Variants in WDR89 observed in about 807,000 individuals in gnomAD.
The protein encoded by WDR89 is WD repeat-containing protein 89.
WDR89 carries 17 observed loss-of-function variants against 29.1 expected under a neutral mutation model. The ratio of observed to expected loss-of-function variants is 0.58; its 90% CI spans 0.40 to 0.88. The LOEUF is 0.88. Ranked by LOEUF, WDR89 falls within the 40% of genes least tolerant of loss-of-function variation. The probability of loss-of-function intolerance (pLI) is 0.00; values close to 1 mark genes in which losing one functional copy is unlikely to be tolerated. For synonymous variants in WDR89, 138 were observed against 157.8 expected, an observed-to-expected ratio of 0.87 and a Z score of 0.94; for missense variants, 396 against 456.3, an observed-to-expected ratio of 0.87 and a Z score of 1.20.
At chr14:63,601,632 C>T in intron 2 of WDR89, 1 of 1,613,244 alleles carries the variant, frequency 6.2e-7, no homozygotes, top group South Asian at 1.1e-5. Flanking sequence ...AAAAGTATTG[C>T]AAGCAACAGT....
intron 1 of WDR89, among the ~76,000 whole-genome samples, chr14:63,633,461 A>C (rs971237682): frequency 2.6e-5 from 4 of 152,176 alleles, no homozygotes; most frequent in Non-Finnish European, 5.9e-5. Flanking sequence ...ATGTAAACAT[A>C]TCTCTCAGAC....
intron 2 of WDR89, among the ~76,000 whole-genome samples, chr14:63,609,089 C>A (rs1465220049): frequency 6.7e-6 from 1 of 149,148 alleles, no homozygotes; most frequent in Non-Finnish European, 1.5e-5. Context: ...TCCAGCCTGG[C>A]AACAGAGCAA....
chr14:63,633,879 C>A (rs960263841), intron 1 of WDR89, among the ~76,000 whole-genome samples: 5 of 152,286 alleles, frequency 3.3e-5, no homozygotes, highest in East Asian at 1.9e-4. Flanking sequence ...ATAAAAAGAA[C>A]TGAAAATCAT....
chr14:63,641,661 C>G (rs1234498892), intron 1 of WDR89, 143 bp downstream of exon 1: 1 of 152,420 alleles, frequency 6.6e-6, no homozygotes, highest in Non-Finnish European at 1.5e-5. Flanking sequence ...CGTGCACACT[C>G]CGTCCAGACC....
intron 2 of WDR89, among the ~76,000 whole-genome samples, chr14:63,622,913 A>G (rs1309416275): frequency 6.6e-6 from 1 of 152,176 alleles, no homozygotes; most frequent in African/African-American, 2.4e-5. Flanking sequence ...CAAAAAGGAT[A>G]TAATGGGCCA....
intron 1 of WDR89, among the ~76,000 whole-genome samples, chr14:63,631,600 C>T (rs529911153): frequency 1.3e-5 from 2 of 151,986 alleles, no homozygotes; most frequent in East Asian, 1.9e-4. Context: ...CAGGCTGTTC[C>T]TGAACTCCTG....
rs1894986759 is a variant in WDR89 at position 63,599,992 on chromosome 14, A to ATAC, written c.-31-20_-31-19insGTA. 7.8e-7 allele frequency: 1 copy of ATAC among 1,289,194 alleles called. No homozygotes were observed. Among genetic ancestry groups the ATAC allele is most frequent in the Admixed American group, 3.1e-5 (1 of 32,114 alleles). 79.9% of individuals were successfully genotyped at this position (1,289,194 alleles called of 1,614,324 possible). On this transcript the variant is annotated intron_variant, in intron 2 of 2. Coordinates refer to ENST00000620954, the MANE Select transcript of WDR89 (RefSeq NM_080666.4). The stretch of plus-strand genomic sequence containing the variant: ...TAAAACTCTGTAAAAAATAATAATA[A>ATAC]TAAAAATAAAAATTAATGCTTAACA...
chr14:63,634,415 T>G (rs10149828), intron 1 of WDR89, among the ~76,000 whole-genome samples: 11,669 of 150,754 alleles, frequency 0.077, 817 homozygotes, highest in African/African-American at 0.19. Context: ...CCAGCTACTC[T>G]GAGGGATGAG....
chr14:63,630,228 G>A (rs977204816), intron 1 of WDR89, among the ~76,000 whole-genome samples: 4 of 151,498 alleles, frequency 2.6e-5, no homozygotes, highest in Non-Finnish European at 4.4e-5. Flanking sequence ...GATTACAGGC[G>A]TGAGCCACTG....
intron 2 of WDR89, among the ~76,000 whole-genome samples, chr14:63,611,856 A>G (rs561252090): frequency 6.6e-6 from 1 of 151,716 alleles, no homozygotes; most frequent in Admixed American, 6.6e-5. Context: ...CCTCCCGAGT[A>G]GCTGGGATTA....
chr14:63,626,508 C>T (rs1177406629), intron 1 of WDR89, among the ~76,000 whole-genome samples: 1 of 150,880 alleles, frequency 6.6e-6, no homozygotes, highest in African/African-American at 2.4e-5. Context: ...AAAATCCCAT[C>T]TCTACTAAAA....
At chr14:63,618,704 CA>C (rs113259979) in intron 2 of WDR89, among the ~76,000 whole-genome samples, 3 of 151,456 alleles carry the variant, frequency 2.0e-5, no homozygotes, top group Admixed American at 6.6e-5. Context: ...AACAAACAAA[CA>C]AAAAAAACCT....
In WDR89 at chr14:63,597,894, C is replaced by T. The variant is rs1171772202; in HGVS notation, c.*885G>A. 1 of 152,108 alleles carries T rather than the reference C, an allele frequency of 6.6e-6. No individual in the cohort carries two copies. Among genetic ancestry groups the T allele is most frequent in the Non-Finnish European group, 1.5e-5 (1 of 68,040 alleles). 9.4% of individuals were successfully genotyped at this position (152,108 alleles called of 1,614,324 possible). On this transcript the variant is annotated 3_prime_UTR_variant, in exon 3 of 3. Transcript: ENST00000620954. ...GAACTGAAGCAGATTAGAGATCGAG[C>T]TGGTAATCCAGATGAGAAATAATGA... is the stretch of plus-strand genomic sequence containing the variant.
intron 2 of WDR89, among the ~76,000 whole-genome samples, chr14:63,607,693 C>T (rs1881662489): frequency 6.6e-6 from 1 of 151,044 alleles, no homozygotes; most frequent in Non-Finnish European, 1.5e-5. Context: ...ACCAGCCTGA[C>T]CAACATGGAG....
intron 1 of WDR89, among the ~76,000 whole-genome samples, chr14:63,632,513 G>C (rs757204942): frequency 1.3e-5 from 2 of 151,898 alleles, no homozygotes; most frequent in Non-Finnish European, 2.9e-5. Context: ...CAAACCTGTA[G>C]TCTCAGCTAC....
intron 2 of WDR89, among the ~76,000 whole-genome samples, chr14:63,610,219 T>TAAAA (rs56984803): frequency 0.025 from 1,618 of 65,262 alleles, 94 homozygotes; most frequent in African/African-American, 0.11. Context: ...GACTCTGTCT[T>TAAAA]AAAAAAAAAA....
At chr14:63,616,019 G>A (rs1217995678) in intron 2 of WDR89, among the ~76,000 whole-genome samples, 1 of 152,080 alleles carries the variant, frequency 6.6e-6, no homozygotes, top group African/African-American at 2.4e-5. Flanking sequence ...GAGGAGGGTG[G>A]ATTGTTTGAG....
chr14:63,627,146 ACACACTCTCTCTCTCT>A (rs946275109), intron 1 of WDR89, among the ~76,000 whole-genome samples: 1 of 130,470 alleles, frequency 7.7e-6, no homozygotes, highest in African/African-American at 3.1e-5. Flanking sequence ...ACACACACAC[ACACACTCTCTCTCTCT>A]CTCTCTCTCT....
In WDR89 at chr14:63,611,784, T is replaced by TGGTGCAATCTTGGCTC. The variant is rs1555374378; in HGVS notation, c.-31-11812_-31-11811insGAGCCAAGATTGCACC. Among the ~76,000 whole-genome samples, 653 of 151,958 alleles carry TGGTGCAATCTTGGCTC rather than the reference T, an allele frequency of 4.3e-3. 4 individuals are homozygous for TGGTGCAATCTTGGCTC. Among genetic ancestry groups the TGGTGCAATCTTGGCTC allele is most frequent in the African/African-American group, 0.015 (617 of 41,336 alleles). On this transcript the variant is annotated intron_variant, in intron 2 of 2. Transcript: ENST00000620954. ...CTCTGTCCCCCAGGCTAGAGTGCTG[T>TGGTGCAATCTTGGCTC]GGTGCAATCTCGGCTCACTGCAACC...
Sources: allele counts gnomAD v4.1 joint callset (sites outside exome capture counted in the v4.1 genomes callset), GRCh38; gene constraint gnomAD v4.1.1; transcripts MANE v1.5; gene names NCBI Gene and HGNC (gene_info 2026-07-23, HGNC 2026-07-21).